The following SHANK2 variants were observed in gnomAD, a reference collection of about 807,000 sequenced individuals.
SHANK2 encodes SH3 and multiple ankyrin repeat domains protein 2.
A neutral mutation model predicts 133.7 loss-of-function variants in SHANK2; 43 were observed. The ratio of observed to expected loss-of-function variants is 0.32; its 90% CI spans 0.25 to 0.41. The LOEUF is 0.41. SHANK2 is among the 10% of genes least tolerant of loss of function. The pLI, the probability that SHANK2 is intolerant of heterozygous loss-of-function variation, is 1.00. For missense variants in SHANK2, 1,994 were observed against 2,235.8 expected, an observed-to-expected ratio of 0.89 and a Z score of 2.18; for synonymous variants, 1,017 against 952.8, an observed-to-expected ratio of 1.07 and a Z score of -1.24.
At position 70,500,539 on chromosome 11, in the gene SHANK2, G is replaced by A. The variant is rs1555158167; in HGVS notation, c.2308+31C>T. 1.3e-6 allele frequency: 2 copies of A among 1,596,398 alleles called. No homozygotes were observed. The highest frequency in any genetic ancestry group is 1.7e-5 in the Admixed American group (1 of 57,448). ...TGTTCCACAGGGGGGTGATGGGCAG[G>A]GGGCTGAGACAGACACTGGGCCTCC... On this transcript the variant is annotated intron_variant, in intron 21 of 25. Coordinates refer to ENST00000601538, the MANE Select transcript of SHANK2 (RefSeq NM_012309.5). The surrounding 1 kb of genome is among the most constrained non-coding windows in gnomAD (Gnocchi z 4.5).
chr11:70,925,213 T>C (rs1480199666), intron 10 of SHANK2, among the ~76,000 whole-genome samples: 13 of 152,188 alleles, frequency 8.5e-5, no homozygotes, highest in African/African-American at 2.7e-4. Context: ...AAAGCAATGG[T>C]TAAATATATG....
At chr11:70,886,075 G>A (rs550802823) in intron 11 of SHANK2, among the ~76,000 whole-genome samples, 38 of 152,208 alleles carry the variant, frequency 2.5e-4, no homozygotes, top group Admixed American at 2.2e-3. Flanking sequence ...CCAGCAGCCC[G>A]GCATGCGGAG....
chr11:71,067,859 GTCACCA>G (rs1246459684), intron 9 of SHANK2, among the ~76,000 whole-genome samples: 211 of 149,682 alleles, frequency 1.4e-3, no homozygotes, highest in Non-Finnish European at 1.9e-3. Context: ...TATGACCACT[GTCACCA>G]TCACCATCAC....
At chr11:70,640,356 G>A (rs577761574) in intron 17 of SHANK2, among the ~76,000 whole-genome samples, 170 of 152,266 alleles carry the variant, frequency 1.1e-3, no homozygotes, top group Non-Finnish European at 1.6e-3. Context: ...AGAGACGAGC[G>A]ACGCAGCCAT....
intron 2 of SHANK2, among the ~76,000 whole-genome samples, chr11:71,190,819 C>T (rs1461256925): frequency 6.6e-6 from 1 of 152,190 alleles, no homozygotes. Flanking sequence ...CTGTCTCGGC[C>T]TCACTTTCCC....
At position 70,883,665 on chromosome 11, in the gene SHANK2, C is replaced by T. The variant is rs181564318; in HGVS notation, c.1174+12836G>A. 2.4e-4 allele frequency among the ~76,000 whole-genome samples: 36 copies of T among 152,268 alleles called. No individual in the cohort carries two copies. The East Asian group carries it at 5.8e-3, about 25-fold the overall frequency. On this transcript the variant is annotated intron_variant, in intron 11 of 25. Coordinates refer to ENST00000601538, the MANE Select transcript of SHANK2 (RefSeq NM_012309.5). ...CAGGACAGAGCAAAACTAGGGGGCC[C>T]GGGAAAGCCCCCAGGGTGCACCTCA...
At chr11:70,561,434 G>A (rs1407145687) in intron 17 of SHANK2, among the ~76,000 whole-genome samples, 2 of 151,986 alleles carry the variant, frequency 1.3e-5, no homozygotes, top group African/African-American at 2.4e-5. Flanking sequence ...TTTTCTCGAC[G>A]TTGCCAAAGA....
At chr11:71,157,614 T>G (rs1952930215) in intron 2 of SHANK2, among the ~76,000 whole-genome samples, 1 of 152,218 alleles carries the variant, frequency 6.6e-6, no homozygotes, top group South Asian at 2.1e-4. Context: ...TAATTGGGCC[T>G]CAGTGGGTTT....
chr11:70,942,685 C>G, intron 10 of SHANK2: 1 of 456,862 alleles, frequency 2.2e-6, no homozygotes, highest in Non-Finnish European at 4.4e-6. Flanking sequence ...ACAGATACTT[C>G]TTCAGGATAG....
At chr11:70,809,564 CT>C (rs1385318899) in intron 12 of SHANK2, among the ~76,000 whole-genome samples, 12 of 152,224 alleles carry the variant, frequency 7.9e-5, no homozygotes, top group African/African-American at 2.9e-4. Context: ...CTGATTCTTA[CT>C]CCTTCTCTCA....
chr11:70,868,582 G>A (rs1456067839), intron 11 of SHANK2, among the ~76,000 whole-genome samples: 1 of 152,202 alleles, frequency 6.6e-6, no homozygotes, highest in Non-Finnish European at 1.5e-5. Context: ...AAGCCAAGAA[G>A]GTGGGTTCCA....
chr11:71,093,839 G>A (rs1265677214), intron 7 of SHANK2, among the ~76,000 whole-genome samples: 1 of 152,224 alleles, frequency 6.6e-6, no homozygotes, highest in Non-Finnish European at 1.5e-5. Flanking sequence ...TTTAGGGACA[G>A]CGAGGCCCCC....
At chr11:70,922,678 C>A (rs1411091345) in intron 10 of SHANK2, among the ~76,000 whole-genome samples, 1 of 152,012 alleles carries the variant, frequency 6.6e-6, no homozygotes, top group African/African-American at 2.4e-5. Flanking sequence ...CATTCTATCA[C>A]CAGCATGAAT....
intron 3 of SHANK2, among the ~76,000 whole-genome samples, chr11:71,145,197 C>A (rs782528991): frequency 6.6e-5 from 10 of 152,216 alleles, no homozygotes; most frequent in African/African-American, 1.2e-4. Context: ...GAGCCTCCCC[C>A]ACAACGGGTG....
intron 17 of SHANK2, among the ~76,000 whole-genome samples, chr11:70,629,795 A>G (rs1458209675): frequency 6.6e-6 from 1 of 152,146 alleles, no homozygotes; most frequent in Non-Finnish European, 1.5e-5. Flanking sequence ...TCTGGGCCTC[A>G]GTTTCCCCAA....
At chr11:70,844,296 T>C (rs1948961077) in intron 11 of SHANK2, among the ~76,000 whole-genome samples, 1 of 152,152 alleles carries the variant, frequency 6.6e-6, no homozygotes, top group African/African-American at 2.4e-5. Flanking sequence ...TTGAATAGCA[T>C]TCAAGCTGTT....
At chr11:71,101,153 T>C (rs935341468) in intron 6 of SHANK2, among the ~76,000 whole-genome samples, 4 of 152,140 alleles carry the variant, frequency 2.6e-5, no homozygotes, top group African/African-American at 7.2e-5. Flanking sequence ...TGAAAGTGCA[T>C]AGGGGAAAAC....
At position 70,807,934 on chromosome 11, in the gene SHANK2, C is replaced by G. The variant is rs894068739; in HGVS notation, c.1494-763G>C. Reference sequence around the variant, plus strand: ...ACAAAAGAACACAGACTGTGTGATCCCAGCCATGCGAGGGCCCGAGAGCAG... The same window carrying G: ...ACAAAAGAACACAGACTGTGTGATCGCAGCCATGCGAGGGCCCGAGAGCAG... On this transcript the variant is annotated intron_variant, in intron 12 of 25. Coordinates refer to ENST00000601538, the MANE Select transcript of SHANK2 (RefSeq NM_012309.5). The surrounding 1 kb of genome is among the most constrained non-coding windows in gnomAD (Gnocchi z 4.8). 2.8e-4 allele frequency among the ~76,000 whole-genome samples: 42 copies of G among 152,118 alleles called. 2 individuals are homozygous for G. The highest frequency in any genetic ancestry group is 2.5e-3 in the Admixed American group (38 of 15,280).
intron 23 of SHANK2, chr11:70,489,964 C>T (rs1341256594): frequency 2.8e-5 from 8 of 280,880 alleles, no homozygotes; most frequent in African/African-American, 1.1e-4. Context: ...GGGGTTGGCT[C>T]GCACCACCCC....
Sources: gnomAD v4.1 joint callset for allele counts (sites outside exome capture counted in the v4.1 genomes callset) on GRCh38, gnomAD v4.1.1 for gene constraint, Gnocchi (gnomAD v3.1) non-coding constraint, MANE v1.5 for transcripts, NCBI Gene and HGNC (gene_info 2026-07-23, HGNC 2026-07-21) for gene names.